SGSM1: variants seen among roughly 807,000 people sequenced by gnomAD.
SGSM1 encodes RUN and TBC1 domain containing 2.
SGSM1 carries 73 observed loss-of-function variants against 133.8 expected under a neutral mutation model. The ratio of observed to expected loss-of-function variants is 0.55; its 90% confidence interval spans 0.45 to 0.66. The LOEUF (loss-of-function observed/expected upper bound fraction) is 0.66. SGSM1 is among the 30% of genes least tolerant of loss of function. The probability of loss-of-function intolerance (pLI) is 0.00; values close to 1 mark genes in which losing one functional copy is unlikely to be tolerated. For synonymous variants in SGSM1, 563 were observed against 573.0 expected, an observed-to-expected ratio of 0.98 and a Z score of 0.25; for missense variants, 1,213 against 1,448.1, an observed-to-expected ratio of 0.84 and a Z score of 2.64.
intron 2 of SGSM1, among the ~76,000 whole-genome samples, chr22:24,826,346 AC>A (rs1363284196): frequency 1.3e-5 from 2 of 152,202 alleles, no homozygotes; most frequent in African/African-American, 4.8e-5. Context: ...AGGCAGTCCT[AC>A]CCCAAACCCT....
In SGSM1 at chr22:24,837,590, C is replaced by CCCCG. The variant is rs56789530; in HGVS notation, c.64-7306_64-7305insCCGC. On this transcript the variant is annotated intron_variant, in intron 2 of 24. Transcript: ENST00000400358. The stretch of plus-strand genomic sequence containing the variant: ...CGGGGAAAGGGAGACCCCCCCCCCC[C>CCCCG]CTTTCCCAGTCTGCTAAGTAGCGGG... Among the ~76,000 whole-genome samples the CCCCG allele has an allele frequency of 1.7e-3, 236 of 136,984 alleles. 11 individuals carry two copies. Among genetic ancestry groups the CCCCG allele is most frequent in the African/African-American group, 6.7e-3 (217 of 32,242 alleles). The allele number at this position is 136,984 out of a possible 152,430, so 89.9% of individuals were successfully genotyped here. A position where few individuals can be genotyped will look rare whatever the true frequency, so the allele number is the denominator to read the frequency against.
chr22:24,842,736 C>T (rs1486455512), intron 2 of SGSM1, among the ~76,000 whole-genome samples: 2 of 152,146 alleles, frequency 1.3e-5, no homozygotes, highest in Non-Finnish European at 2.9e-5. Flanking sequence ...CAGCCAGGGC[C>T]AAAATAACGG....
chr22:24,822,571 T>TGG (rs1469532391), intron 2 of SGSM1, among the ~76,000 whole-genome samples: 7 of 152,176 alleles, frequency 4.6e-5, no homozygotes, highest in African/African-American at 1.7e-4. Context: ...CGATTCCTCT[T>TGG]GGGGAGCTGA....
Position 24,926,546 on chromosome 22 carries a change from A to T in SGSM1, c.*2272A>T, listed in dbSNP as rs1234802578. 6.6e-6 allele frequency: 1 copy of T among 152,054 alleles called. No individual in the cohort carries two copies. The highest frequency in any genetic ancestry group is 1.5e-5 in the Non-Finnish European group (1 of 68,016). 9.4% of individuals were successfully genotyped at this position (152,054 alleles called of 1,614,324 possible). On this transcript the variant is annotated 3_prime_UTR_variant, in exon 25 of 25. Transcript: ENST00000400358. ...GTCCTAGACCTTCTGATTCCTATTT[A>T]TTTTTTTAACAGACTAGTCTCAAAG... is the stretch of plus-strand genomic sequence containing the variant.
At position 24,924,309 on chromosome 22, in the gene SGSM1, C is replaced by T; in HGVS notation, c.*35C>T. ...CACCCCGGCAGCCTCAGCCAAGCTG[C>T]CCCTGCCCCGCTCCTCTGCTTACTT... On this transcript the variant is annotated 3_prime_UTR_variant, in exon 25 of 25. Transcript: ENST00000400358. 7 of 1,582,376 alleles carry T rather than the reference C, an allele frequency of 4.4e-6. No homozygotes were observed. The highest frequency in any genetic ancestry group is 5.2e-6 in the Non-Finnish European group (6 of 1,152,260).
intron 2 of SGSM1, among the ~76,000 whole-genome samples, chr22:24,815,075 A>G (rs577599229): frequency 1.5e-3 from 224 of 152,352 alleles, no homozygotes; most frequent in Non-Finnish European, 2.9e-3. Context: ...TCTTTCACTT[A>G]GTGATATAGA....
At chr22:24,860,900 A>T (rs1490896199) in intron 9 of SGSM1, among the ~76,000 whole-genome samples, 1 of 32,238 alleles carries the variant, frequency 3.1e-5, no homozygotes, top group South Asian at 1.1e-3. Context: ...ACTGTCTTAA[A>T]AAAAAAAAAA....
At chr22:24,827,354 C>T (rs1472550889) in intron 2 of SGSM1, among the ~76,000 whole-genome samples, 2 of 139,422 alleles carry the variant, frequency 1.4e-5, no homozygotes, top group Non-Finnish European at 3.1e-5. Flanking sequence ...GAGATTAATT[C>T]TCTTTTTATG....
chr22:24,861,347 G>C (rs1331066549), intron 9 of SGSM1, among the ~76,000 whole-genome samples: 1 of 122,230 alleles, frequency 8.2e-6, no homozygotes, highest in Non-Finnish European at 1.6e-5. Flanking sequence ...GCGAGACTCT[G>C]TCTCAAAAAA....
intron 23 of SGSM1, among the ~76,000 whole-genome samples, chr22:24,919,213 A>C (rs1371649257): frequency 1.3e-5 from 2 of 149,434 alleles, no homozygotes; most frequent in African/African-American, 5.1e-5. Flanking sequence ...ATGCCTGACT[A>C]ATTTTTTTTG....
intron 2 of SGSM1, among the ~76,000 whole-genome samples, chr22:24,823,126 T>C (rs1928580137): frequency 6.6e-6 from 1 of 152,188 alleles, no homozygotes; most frequent in African/African-American, 2.4e-5. Flanking sequence ...GGAACTCAGT[T>C]TCCTCATCTG....
chr22:24,912,803 T>A, intron 22 of SGSM1, 51 bp downstream of exon 22: 1 of 1,305,652 alleles, frequency 7.7e-7, no homozygotes, highest in Non-Finnish European at 1.1e-6. Context: ...AAACAGTTAG[T>A]AAAGCTTAGT....
chr22:24,898,417 A>G lies in SGSM1; in HGVS notation c.2468A>G (p.Glu823Gly), dbSNP rs777284336. The change falls in exon 19 of 25, where the codon GAG becomes GGG. Residue 823 changes from glutamate to glycine, a missense_variant. By Grantham distance (98) the Glu-to-Gly change is moderately conservative. Coordinates refer to ENST00000400358, the MANE Select transcript of SGSM1 (RefSeq NM_001098497.3). Reference protein sequence around the residue: ...VMEGWRSSETEKHGQADSEDN... With the variant: ...VMEGWRSSETGKHGQADSEDN... The stretch of plus-strand genomic sequence containing the variant: ...GAGGGCTGGAGGAGCAGCGAGACAG[A>G]GAAACATGGCCAGGCGGACAGTGAG... The G allele has an allele frequency of 1.2e-5, 19 of 1,613,734 alleles. No individual in the cohort carries two copies. The Admixed American group carries it at 1.5e-4, about 13-fold the overall frequency.
In SGSM1 at chr22:24,855,533, C is replaced by G. The variant is rs117667552; in HGVS notation, c.670-16C>G. 1 of 1,613,692 alleles carries G rather than the reference C, an allele frequency of 6.2e-7. No individual in the cohort carries two copies. The highest frequency in any genetic ancestry group is 8.5e-7 in the Non-Finnish European group (1 of 1,179,796). On this transcript the variant is annotated splice_polypyrimidine_tract_variant and intron_variant, in intron 7 of 24. Coordinates refer to ENST00000400358, the MANE Select transcript of SGSM1 (RefSeq NM_001098497.3). ...CCCCAGGCCTCATCCCTCTGTCTCC[C>G]GTCACTCTCTACCAGATCCAGAAGA...
intron 23 of SGSM1, among the ~76,000 whole-genome samples, chr22:24,918,111 A>G (rs1402861619): frequency 6.6e-6 from 1 of 152,192 alleles, no homozygotes; most frequent in Non-Finnish European, 1.5e-5. Flanking sequence ...CCCATGAAGC[A>G]GGGACTATTT....
At chr22:24,860,927 A>ATT (rs1931112361) in intron 9 of SGSM1, among the ~76,000 whole-genome samples, 2 of 103,462 alleles carry the variant, frequency 1.9e-5, no homozygotes, top group South Asian at 6.9e-4. Context: ...AAAAAAATAT[A>ATT]TATATATATA....
At chr22:24,825,664 A>G (rs1031357541) in intron 2 of SGSM1, among the ~76,000 whole-genome samples, 1 of 152,128 alleles carries the variant, frequency 6.6e-6, no homozygotes, top group Non-Finnish European at 1.5e-5. Flanking sequence ...TCCTGACCTC[A>G]GGTGATCCAC....
intron 16 of SGSM1, among the ~76,000 whole-genome samples, chr22:24,887,197 A>G (rs1360830366): frequency 1.3e-5 from 2 of 151,592 alleles, no homozygotes; most frequent in African/African-American, 4.8e-5. Flanking sequence ...AACATACAGT[A>G]CATTTTTAAT....
At chr22:24,812,184 A>AAAAG (rs1569129239) in intron 2 of SGSM1, among the ~76,000 whole-genome samples, 23 of 150,482 alleles carry the variant, frequency 1.5e-4, no homozygotes, top group African/African-American at 5.0e-4. Flanking sequence ...AAAGAAAAAA[A>AAAAG]AAAAGAAAAG....
Sources: allele counts gnomAD v4.1 joint callset (sites outside exome capture counted in the v4.1 genomes callset), GRCh38; gene constraint gnomAD v4.1.1; transcripts MANE v1.5; gene names NCBI Gene and HGNC (gene_info 2026-07-23, HGNC 2026-07-21).